The following PLCE1 variants were observed in gnomAD, a reference collection of about 807,000 sequenced individuals.
PLCE1 encodes 1-phosphatidylinositol 4,5-bisphosphate phosphodiesterase epsilon-1.
Under a neutral mutation model 242.8 loss-of-function variants are expected in PLCE1, and 119 were observed. That is an observed-to-expected ratio of 0.49 (90% confidence interval 0.42 to 0.57). The LOEUF is 0.57. Ranked by LOEUF, PLCE1 falls within the 20% of genes least tolerant of loss-of-function variation. The pLI, the probability that PLCE1 is intolerant of heterozygous loss-of-function variation, is 0.00. For missense variants in PLCE1, 2,441 were observed against 2,788.8 expected (o/e 0.88, Z 2.81); for synonymous variants, 945 against 1,017.4 (o/e 0.93, Z 1.35).
At chr10:94,060,654 C>T (rs2044025762) in intron 2 of PLCE1, among the ~76,000 whole-genome samples, 1 of 151,520 alleles carries the variant, frequency 6.6e-6, no homozygotes, top group Non-Finnish European at 1.5e-5. Context: ...TTAACGTTAG[C>T]ATGAACCCAG....
At chr10:94,063,090 C>T (rs1248150737) in intron 2 of PLCE1, among the ~76,000 whole-genome samples, 1 of 152,182 alleles carries the variant, frequency 6.6e-6, no homozygotes, top group African/African-American at 2.4e-5. Context: ...CTCCCACATG[C>T]TCCCTTCCTA....
chr10:93,995,259 A>G (rs1286461116), intron 1 of PLCE1, among the ~76,000 whole-genome samples: 2 of 152,180 alleles, frequency 1.3e-5, no homozygotes, highest in East Asian at 3.9e-4. Context: ...TGTCTTCATA[A>G]ATACTTTTCT....
At chr10:94,144,515 C>A (rs1024635648) in intron 3 of PLCE1, among the ~76,000 whole-genome samples, 1 of 152,160 alleles carries the variant, frequency 6.6e-6, no homozygotes, top group Non-Finnish European at 1.5e-5. Flanking sequence ...TGGGAGTCTT[C>A]CCACTGATGG....
At chr10:94,112,391 G>A (rs2045982779) in intron 2 of PLCE1, among the ~76,000 whole-genome samples, 1 of 152,098 alleles carries the variant, frequency 6.6e-6, no homozygotes. Flanking sequence ...AGTAATGTTG[G>A]CTATAAAGAA....
intron 4 of PLCE1, among the ~76,000 whole-genome samples, chr10:94,216,223 G>A (rs2049520805): frequency 6.6e-6 from 1 of 152,172 alleles, no homozygotes; most frequent in East Asian, 1.9e-4. Flanking sequence ...TCGGAAAAGG[G>A]CAAACCCAGC....
intron 3 of PLCE1, among the ~76,000 whole-genome samples, chr10:94,168,216 C>A (rs1003865494): frequency 1.3e-5 from 2 of 152,138 alleles, no homozygotes; most frequent in Non-Finnish European, 2.9e-5. Context: ...TGAGTTACAG[C>A]TGAGCACTAG....
Position 94,327,978 on chromosome 10 carries a change from T to C in PLCE1, c.*35T>C, listed in dbSNP as rs1178018416. On this transcript the variant is annotated 3_prime_UTR_variant, in exon 33 of 33. Coordinates refer to ENST00000371380, the MANE Select transcript of PLCE1 (RefSeq NM_016341.4). ...TATACAACATTACAGGTGAAGATCTTTAAGCAAGAAGTTAAAGAGTGAACA... is the reference window on the plus strand; with the variant it reads ...TATACAACATTACAGGTGAAGATCTCTAAGCAAGAAGTTAAAGAGTGAACA... 1 of 532,670 alleles carries C rather than the reference T, an allele frequency of 1.9e-6. No homozygotes were observed. The highest frequency in any genetic ancestry group is 1.4e-5 in the South Asian group (1 of 71,350). The allele number at this position is 532,670 out of a possible 1,614,324, so 33.0% of individuals were successfully genotyped here. A position where few individuals can be genotyped will look rare whatever the true frequency, so the allele number is the denominator to read the frequency against.
At chr10:94,155,005 G>A (rs2047386559) in intron 3 of PLCE1, among the ~76,000 whole-genome samples, 1 of 151,812 alleles carries the variant, frequency 6.6e-6, no homozygotes, top group African/African-American at 2.4e-5. Context: ...CAAGGATGTG[G>A]GGAAATTGAA....
chr10:94,048,908 A>G (rs1424441717), intron 2 of PLCE1, among the ~76,000 whole-genome samples: 1 of 150,964 alleles, frequency 6.6e-6, no homozygotes, highest in Non-Finnish European at 1.5e-5. Flanking sequence ...AGCTGGGACT[A>G]CAGGCATGCA....
At chr10:94,006,643 C>G (rs2061043479) in intron 1 of PLCE1, among the ~76,000 whole-genome samples, 1 of 152,200 alleles carries the variant, frequency 6.6e-6, no homozygotes, top group Non-Finnish European at 1.5e-5. Flanking sequence ...TACTTTAGTA[C>G]TAAGCTCTAG....
intron 4 of PLCE1, among the ~76,000 whole-genome samples, chr10:94,196,095 T>C (rs1165981057): frequency 6.6e-6 from 1 of 152,220 alleles, no homozygotes; most frequent in Admixed American, 6.5e-5. Context: ...TCCTTCTAGT[T>C]AGGGTTGTTG....
intron 2 of PLCE1, among the ~76,000 whole-genome samples, chr10:94,037,314 G>A (rs1031750143): frequency 6.6e-5 from 10 of 152,114 alleles, no homozygotes; most frequent in Non-Finnish European, 1.5e-4. Context: ...GGGACCAACC[G>A]CTAATAAATT....
intron 26 of PLCE1, among the ~76,000 whole-genome samples, chr10:94,307,835 T>C (rs2053253799): frequency 6.6e-6 from 1 of 152,208 alleles, no homozygotes; most frequent in African/African-American, 2.4e-5. Flanking sequence ...TACACAAGAA[T>C]GGGGAGTATA....
chr10:94,195,942 A>T (rs2048807482), intron 4 of PLCE1, among the ~76,000 whole-genome samples: 1 of 152,148 alleles, frequency 6.6e-6, no homozygotes, highest in Non-Finnish European at 1.5e-5. Flanking sequence ...ATTAGGCCAG[A>T]TGATATCTAA....
At position 94,324,287 on chromosome 10, in the gene PLCE1, G is replaced by A. The variant is rs189644478; in HGVS notation, c.6502-62G>A. 1.7e-5 allele frequency: 23 copies of A among 1,318,046 alleles called. No homozygotes were observed. In the Admixed American group the frequency reaches 1.8e-4, roughly 11 times the overall value. 81.6% of individuals were successfully genotyped at this position (1,318,046 alleles called of 1,614,324 possible). On this transcript the variant is annotated intron_variant, in intron 30 of 32. Transcript: ENST00000371380. ...TTTTTCCACCTTAAAGTTTCATATA[G>A]AATGAATGCAAATGTTGGAGATTCT...
intron 4 of PLCE1, among the ~76,000 whole-genome samples, chr10:94,198,722 A>G (rs1666982464): frequency 6.6e-6 from 1 of 152,280 alleles, no homozygotes; most frequent in South Asian, 2.1e-4. Flanking sequence ...TAGTCTTTTG[A>G]GCCTGGCTTT....
Position 94,031,030 on chromosome 10 carries a change from C to T in PLCE1, c.-17C>T, listed in dbSNP as rs758606254. On this transcript the variant is annotated 5_prime_UTR_variant, in exon 2 of 33. Transcript: ENST00000371380. Reference sequence around the variant, plus strand: ...GGAAAAATAGAGCAATAGTCAAAACCTGTGTGTTAGTCCAAGATGACTTCT... The same window carrying T: ...GGAAAAATAGAGCAATAGTCAAAACTTGTGTGTTAGTCCAAGATGACTTCT... 2.0e-5 allele frequency: 33 copies of T among 1,612,996 alleles called. No homozygotes were observed. In the South Asian group the frequency reaches 3.2e-4, roughly 16 times the overall value.
chr10:94,157,543 C>T (rs1196659877), intron 3 of PLCE1, among the ~76,000 whole-genome samples: 1 of 152,198 alleles, frequency 6.6e-6, no homozygotes, highest in Non-Finnish European at 1.5e-5. Context: ...ATCCTAACCA[C>T]ACCAGTAAGG....
intron 26 of PLCE1, among the ~76,000 whole-genome samples, chr10:94,308,035 A>G (rs568457355): frequency 6.6e-6 from 1 of 152,368 alleles, no homozygotes; most frequent in Admixed American, 6.5e-5. Flanking sequence ...TTTAACAAAC[A>G]GGCTTTCTAC....
Sources: allele counts gnomAD v4.1 joint callset (sites outside exome capture counted in the v4.1 genomes callset), GRCh38; gene constraint gnomAD v4.1.1; transcripts MANE v1.5; gene names NCBI Gene and HGNC (gene_info 2026-07-23, HGNC 2026-07-21).